Variants in INPP4B observed in about 807,000 individuals in gnomAD.
INPP4B encodes inositol polyphosphate 4-phosphatase type II.
In INPP4B, 55 loss-of-function variants were observed where a neutral mutation model predicts 122.5. The ratio of observed to expected loss-of-function variants is 0.45; its 90% CI spans 0.36 to 0.56. INPP4B has a LOEUF of 0.56. INPP4B is among the 20% of genes least tolerant of loss of function. INPP4B has a pLI of 0.00. For synonymous variants in INPP4B, 403 were observed against 388.7 expected (o/e 1.04, Z -0.43); for missense variants, 1,000 against 1,097.7 (o/e 0.91, Z 1.26).
chr4:142,300,459 G>A (rs1461905469), intron 9 of INPP4B, among the ~76,000 whole-genome samples: 1 of 151,954 alleles, frequency 6.6e-6, no homozygotes, highest in Non-Finnish European at 1.5e-5. Context: ...TATTTAAGGA[G>A]GCTAATTAAC....
At chr4:142,342,750 C>A (rs540654848) in intron 7 of INPP4B, among the ~76,000 whole-genome samples, 1 of 152,186 alleles carries the variant, frequency 6.6e-6, no homozygotes, top group East Asian at 1.9e-4. Flanking sequence ...CCCAAAAAAG[C>A]ATTCATGTTC....
intron 11 of INPP4B, among the ~76,000 whole-genome samples, chr4:142,249,556 G>A (rs906655016): frequency 6.6e-6 from 1 of 152,062 alleles, no homozygotes; most frequent in Non-Finnish European, 1.5e-5. Context: ...TAAAAGGAAG[G>A]AGAACAATGC....
At chr4:142,032,688 C>CTAGTG (rs1741073278) in intron 25 of INPP4B, among the ~76,000 whole-genome samples, 1 of 152,130 alleles carries the variant, frequency 6.6e-6, no homozygotes, top group African/African-American at 2.4e-5. Flanking sequence ...CTGCCACTTG[C>CTAGTG]TAGTGGAGTG....
chr4:142,378,565 C>T (rs1005152877), intron 7 of INPP4B, among the ~76,000 whole-genome samples: 1 of 152,116 alleles, frequency 6.6e-6, no homozygotes, highest in Non-Finnish European at 1.5e-5. Context: ...GGCAATAAAA[C>T]AGAATCTGAA....
chr4:142,550,465 C>A (rs1048876660), intron 2 of INPP4B, among the ~76,000 whole-genome samples: 8 of 151,860 alleles, frequency 5.3e-5, no homozygotes, highest in African/African-American at 1.9e-4. Context: ...TTATTTTAAT[C>A]TCTTTGAGGT....
intron 1 of INPP4B, among the ~76,000 whole-genome samples, chr4:142,758,541 A>G: frequency 6.6e-6 from 1 of 152,308 alleles, no homozygotes; most frequent in Non-Finnish European, 1.5e-5. Context: ...ACTTGCCCTC[A>G]ACAGGGAGTG....
At chr4:142,741,912 A>G (rs1767956601) in intron 1 of INPP4B, among the ~76,000 whole-genome samples, 1 of 151,942 alleles carries the variant, frequency 6.6e-6, no homozygotes, top group African/African-American at 2.4e-5. Context: ...AAATTTTGTC[A>G]TCTAGAAGAG....
intron 2 of INPP4B, among the ~76,000 whole-genome samples, chr4:142,492,009 G>A (rs1318327045): frequency 6.6e-6 from 1 of 152,076 alleles, no homozygotes; most frequent in East Asian, 1.9e-4. Flanking sequence ...TCTTGGGAGG[G>A]ACCTGGTGGG....
chr4:142,235,463 C>T (rs910462710), intron 12 of INPP4B, among the ~76,000 whole-genome samples: 2 of 151,978 alleles, frequency 1.3e-5, no homozygotes. Flanking sequence ...GCTCTGTCGC[C>T]GAGGCTGGAG....
intron 2 of INPP4B, among the ~76,000 whole-genome samples, chr4:142,550,621 T>TATATATA (rs371250535): frequency 0.022 from 2,765 of 126,756 alleles, 30 homozygotes; most frequent in South Asian, 0.029. Context: ...TATATATATA[T>TATATATA]TTTTTTTTTT....
intron 23 of INPP4B, among the ~76,000 whole-genome samples, chr4:142,089,698 T>C (rs1020732982): frequency 1.3e-5 from 2 of 151,300 alleles, no homozygotes; most frequent in Non-Finnish European, 2.9e-5. Context: ...CACCCCTCTG[T>C]AACAAAAACC....
At chr4:142,266,683 A>G (rs1561682925) in intron 10 of INPP4B, among the ~76,000 whole-genome samples, 1 of 152,200 alleles carries the variant, frequency 6.6e-6, no homozygotes, top group Admixed American at 6.5e-5. Flanking sequence ...CACCACTTCT[A>G]TTCAATGTTA....
intron 12 of INPP4B, among the ~76,000 whole-genome samples, chr4:142,219,947 GCACCAAA>G (rs1848707088): frequency 6.6e-6 from 1 of 152,080 alleles, no homozygotes; most frequent in Non-Finnish European, 1.5e-5. Flanking sequence ...CCCCACAGCT[GCACCAAA>G]CAAAATAAAA....
At chr4:142,253,658 A>G (rs1174091353) in intron 11 of INPP4B, among the ~76,000 whole-genome samples, 2 of 152,152 alleles carry the variant, frequency 1.3e-5, no homozygotes, top group Admixed American at 1.3e-4. Context: ...GGCTTAAAAA[A>G]CGGCGCACCA....
intron 2 of INPP4B, among the ~76,000 whole-genome samples, chr4:142,634,920 TC>T (rs1465324603): frequency 6.6e-6 from 1 of 152,044 alleles, no homozygotes; most frequent in Non-Finnish European, 1.5e-5. Flanking sequence ...TTCAAAAGAT[TC>T]TATGATGCAT....
intron 5 of INPP4B, among the ~76,000 whole-genome samples, chr4:142,409,230 C>T (rs990256903): frequency 1.1e-4 from 16 of 152,230 alleles, no homozygotes; most frequent in East Asian, 3.9e-4. Context: ...CGGTGGCTCA[C>T]GCCTGTAATC....
chr4:142,525,191 G>C (rs1159758750), intron 2 of INPP4B, among the ~76,000 whole-genome samples: 2 of 151,922 alleles, frequency 1.3e-5, no homozygotes, highest in African/African-American at 4.8e-5. Flanking sequence ...GGGATGTGAA[G>C]GACCTCTTCA....
At chr4:142,411,607 A>G (rs998651954) in intron 5 of INPP4B, among the ~76,000 whole-genome samples, 2 of 152,064 alleles carry the variant, frequency 1.3e-5, no homozygotes, top group Admixed American at 6.6e-5. Context: ...TAATACAAAC[A>G]GGGGCCAGGC....
In INPP4B at chr4:142,372,622, A is replaced by G. The variant is rs912622832; in HGVS notation, c.372+30316T>C. On this transcript the variant is annotated intron_variant, in intron 7 of 25. Coordinates refer to ENST00000262992, the MANE Select transcript of INPP4B (RefSeq NM_001101669.3). ...ACAGAGAGGGTTGGGAAGCATTTCA[A>G]TGATGGGCACATCTCTCTTCCCAAG... Among the ~76,000 whole-genome samples the G allele has an allele frequency of 3.3e-5, 5 of 152,070 alleles. No individual in the cohort carries two copies. The South Asian group carries it at 1.0e-3, about 31-fold the overall frequency.
Sources: gnomAD v4.1 joint callset for allele counts (sites outside exome capture counted in the v4.1 genomes callset) on GRCh38, gnomAD v4.1.1 for gene constraint, MANE v1.5 for transcripts, NCBI Gene and HGNC (gene_info 2026-07-23, HGNC 2026-07-21) for gene names.